SLC20A2: variants seen among roughly 807,000 people sequenced by gnomAD.
SLC20A2 encodes sodium-dependent phosphate transporter 2.
Under a neutral mutation model 61.0 loss-of-function variants are expected in SLC20A2, and 30 were observed. The ratio of observed to expected loss-of-function variants is 0.49; its 90% CI spans 0.37 to 0.67. The LOEUF (loss-of-function observed/expected upper bound fraction) is 0.67. Ranked by LOEUF, SLC20A2 falls within the 30% of genes least tolerant of loss-of-function variation. The pLI is 0.00. For synonymous variants in SLC20A2, 351 were observed against 353.3 expected (o/e 0.99, Z 0.07); for missense variants, 626 against 866.4 (o/e 0.72, Z 3.48).
At chr8:42,525,581 C>CAAAAAAAAAAAAAAAAAAAA (rs34356863) in intron 1 of SLC20A2, among the ~76,000 whole-genome samples, 1 of 68,722 alleles carries the variant, frequency 1.5e-5, no homozygotes, top group Non-Finnish European at 2.7e-5. Context: ...GACTCTGTCT[C>CAAAAAAAAAAAAAAAAAAAA]AAAAAAAAAA....
chr8:42,437,203 A>G lies in SLC20A2; in HGVS notation c.1309T>C (p.Cys437Arg), dbSNP rs772818663. 5 of 1,613,550 alleles carry G rather than the reference A, an allele frequency of 3.1e-6. No homozygotes were observed. Among genetic ancestry groups the G allele is most frequent in the Non-Finnish European group, 4.2e-6 (5 of 1,180,032 alleles). ...RLRYDSYSSYCNAVAEAEIEA... is the reference protein window; with the variant it reads ...RLRYDSYSSYRNAVAEAEIEA... ...ATCTCCGCCTCTGCCACCGCGTTAC[A>G]GTAGCTCGAGTAGCTGTCGTAGCGC... The change falls in exon 8 of 11, where the codon TGT becomes CGT. Residue 437 changes from cysteine (C) to arginine (R), a missense_variant. Transcript: ENST00000520262. The surrounding 1 kb of genome is among the most constrained non-coding windows in gnomAD (Gnocchi z 6.4).
intron 1 of SLC20A2, among the ~76,000 whole-genome samples, chr8:42,485,944 CAA>C (rs368127646): frequency 0.079 from 8,969 of 113,608 alleles, 788 homozygotes; most frequent in African/African-American, 0.24. Context: ...GACTCCGTCT[CAA>C]AAAAAAAAAA....
In SLC20A2 at chr8:42,437,589, T is replaced by G. The variant is rs144236532; in HGVS notation, c.935-12A>C. 337 of 1,553,664 alleles carry G rather than the reference T, an allele frequency of 2.2e-4. No individual in the cohort carries two copies. Among genetic ancestry groups the G allele is most frequent in the Middle Eastern group, 1.4e-3 (8 of 5,776 alleles). On this transcript the variant is annotated splice_polypyrimidine_tract_variant and intron_variant, in intron 7 of 10. Coordinates refer to ENST00000520262, the MANE Select transcript of SLC20A2 (RefSeq NM_001257180.2). This position sits in a 1 kb window ranked among gnomAD's most constrained non-coding sequence, Gnocchi z 6.4. ...GGACAGTGCTCTTCCTGAAAAGGGT[T>G]AGAGAAGGTCTCATTTTCCAGTCTT...
intron 8 of SLC20A2, among the ~76,000 whole-genome samples, chr8:42,434,375 C>G (rs1328802076): frequency 6.6e-6 from 1 of 151,826 alleles, no homozygotes; most frequent in Non-Finnish European, 1.5e-5. Flanking sequence ...GCGTGAGCCA[C>G]CACACCCGGC....
intron 1 of SLC20A2, among the ~76,000 whole-genome samples, chr8:42,506,439 A>G (rs1369566173): frequency 6.6e-6 from 1 of 152,228 alleles, no homozygotes; most frequent in Admixed American, 6.5e-5. Context: ...TAGCACAGGC[A>G]CACAAAGAGT....
At chr8:42,492,445 A>G (rs976217550) in intron 1 of SLC20A2, among the ~76,000 whole-genome samples, 2 of 152,142 alleles carry the variant, frequency 1.3e-5, no homozygotes, top group African/African-American at 4.8e-5. Flanking sequence ...TGTCATGACT[A>G]CTCCTCTCAT....
intron 1 of SLC20A2, chr8:42,484,469 A>T (rs1808790862): frequency 1.3e-5 from 2 of 152,784 alleles, no homozygotes; most frequent in Non-Finnish European, 2.9e-5. Flanking sequence ...ATGGGATGGC[A>T]GTAAAAAACA....
At chr8:42,527,399 T>C (rs1051146474) in intron 1 of SLC20A2, among the ~76,000 whole-genome samples, 11 of 147,582 alleles carry the variant, frequency 7.5e-5, no homozygotes, top group African/African-American at 2.0e-4. Context: ...AAAAAGAAAC[T>C]AGATGTGGAG....
upstream of SLC20A2, among the ~76,000 whole-genome samples, chr8:42,503,858 A>C (rs1184950960): frequency 1.3e-5 from 2 of 152,208 alleles, no homozygotes; most frequent in African/African-American, 4.8e-5. Context: ...ATATACACTC[A>C]AGAAACATCA....
intron 8 of SLC20A2, 71 bp downstream of exon 8, chr8:42,436,918 G>T: frequency 7.2e-7 from 1 of 1,388,156 alleles, no homozygotes; most frequent in Non-Finnish European, 9.7e-7. Flanking sequence ...CTGGATCCCG[G>T]CACCCGCACA....
At chr8:42,505,886 C>T (rs1026194685), upstream of SLC20A2, among the ~76,000 whole-genome samples, 27 of 150,696 alleles carry the variant, frequency 1.8e-4, no homozygotes, top group Admixed American at 1.5e-3. Flanking sequence ...GAGACTCTAT[C>T]TCAAAGAAAA....
chr8:42,521,822 C>G (rs1389092793), intron 1 of SLC20A2, among the ~76,000 whole-genome samples: 3 of 119,242 alleles, frequency 2.5e-5, no homozygotes, highest in Non-Finnish European at 4.0e-5. Context: ...AGTGGTAACA[C>G]AAATCTACAC....
intron 1 of SLC20A2, among the ~76,000 whole-genome samples, chr8:42,500,207 G>T (rs372556233): frequency 5.3e-5 from 8 of 152,312 alleles, no homozygotes; most frequent in Admixed American, 4.6e-4. Flanking sequence ...AATTGATAAA[G>T]AAATTCCTGC....
At chr8:42,456,966 G>A (rs957665948) in intron 5 of SLC20A2, among the ~76,000 whole-genome samples, 1 of 151,790 alleles carries the variant, frequency 6.6e-6, no homozygotes. Context: ...CTCTGTCGAC[G>A]AGGCTGGAGT....
chr8:42,526,036 A>G (rs940589693), intron 1 of SLC20A2, among the ~76,000 whole-genome samples: 1 of 152,240 alleles, frequency 6.6e-6, no homozygotes, highest in African/African-American at 2.4e-5. Flanking sequence ...GGAGGTAGGC[A>G]TAACTTCCCA....
chr8:42,494,791 AT>A (rs993262108), intron 1 of SLC20A2, among the ~76,000 whole-genome samples: 2 of 151,814 alleles, frequency 1.3e-5, no homozygotes, highest in Admixed American at 6.6e-5. Context: ...TTCAAGTTTA[AT>A]TTTTTTTGAC....
intron 1 of SLC20A2, among the ~76,000 whole-genome samples, chr8:42,491,861 G>C (rs1017821705): frequency 5.3e-5 from 8 of 152,054 alleles, no homozygotes; most frequent in African/African-American, 1.7e-4. Flanking sequence ...TCTTGATGTG[G>C]CATTATGCAC....
chr8:42,523,378 T>A (rs1811720323), intron 1 of SLC20A2, among the ~76,000 whole-genome samples: 1 of 152,086 alleles, frequency 6.6e-6, no homozygotes, highest in Non-Finnish European at 1.5e-5. Context: ...AAATTGCATA[T>A]TTTAACAGTA....
At chr8:42,528,740 T>C (rs761970054) in intron 1 of SLC20A2, among the ~76,000 whole-genome samples, 47 of 151,284 alleles carry the variant, frequency 3.1e-4, no homozygotes, top group Middle Eastern at 6.9e-3. Context: ...GATCTTGGCT[T>C]ACCATAACCT....
Sources: gnomAD v4.1 joint callset for allele counts (sites outside exome capture counted in the v4.1 genomes callset) on GRCh38, gnomAD v4.1.1 for gene constraint, Gnocchi (gnomAD v3.1) non-coding constraint, MANE v1.5 for transcripts, NCBI Gene and HGNC (gene_info 2026-07-23, HGNC 2026-07-21) for gene names.